Variants in NDNF observed in about 807,000 individuals in gnomAD.
NDNF encodes the protein protein NDNF.
A neutral mutation model predicts 42.0 loss-of-function variants in NDNF; 16 were observed. That is an observed-to-expected ratio of 0.38 (90% CI 0.26 to 0.58). The LOEUF (loss-of-function observed/expected upper bound fraction) is 0.58. Among genes scored for constraint, NDNF ranks in the 20% least tolerant of loss-of-function variants. The pLI, the probability that NDNF is intolerant of heterozygous loss-of-function variation, is 0.67. For missense variants in NDNF, 616 were observed against 666.2 expected (o/e 0.92, Z 0.83); for synonymous variants, 248 against 251.7 (o/e 0.99, Z 0.14).
chr4:121,055,385 G>A (rs545831124), intron 1 of NDNF, among the ~76,000 whole-genome samples: 89 of 152,272 alleles, frequency 5.8e-4, no homozygotes, highest in African/African-American at 1.9e-3. Context: ...GAATGTGCTG[G>A]TAAGTTGGAG....
intron 3 of NDNF, among the ~76,000 whole-genome samples, chr4:121,039,303 G>A (rs1016844495): frequency 6.8e-6 from 1 of 146,440 alleles, no homozygotes; most frequent in Non-Finnish European, 1.5e-5. Flanking sequence ...TTTAACCTAT[G>A]ATGCCCTTAA....
chr4:121,070,240 T>C (rs1727567001), intron 1 of NDNF, among the ~76,000 whole-genome samples: 2 of 152,176 alleles, frequency 1.3e-5, no homozygotes, highest in South Asian at 4.1e-4. Context: ...TGAATAATCA[T>C]ACCGATCGCC....
At chr4:121,070,973 G>T (rs1031500093) in intron 1 of NDNF, among the ~76,000 whole-genome samples, 1 of 152,190 alleles carries the variant, frequency 6.6e-6, no homozygotes, top group Non-Finnish European at 1.5e-5. Context: ...ACTGCCGGGA[G>T]CTCTCACGCC....
chr4:121,064,807 GCT>G (rs1164681010), intron 1 of NDNF, among the ~76,000 whole-genome samples: 1 of 152,128 alleles, frequency 6.6e-6, no homozygotes, highest in East Asian at 1.9e-4. Flanking sequence ...ATACTTAAAA[GCT>G]CTCTACACTG....
Position 121,035,970 on chromosome 4 carries a change from T to A in NDNF, c.*294A>T, listed in dbSNP as rs1198329512. The A allele has an allele frequency of 7.2e-6, 2 of 279,230 alleles. No individual in the cohort carries two copies. Among genetic ancestry groups the A allele is most frequent in the Admixed American group, 4.6e-5 (1 of 21,564 alleles). 17.3% of individuals were successfully genotyped at this position (279,230 alleles called of 1,614,324 possible). A position where few individuals can be genotyped will look rare whatever the true frequency, so the allele number is the denominator to read the frequency against. On this transcript the variant is annotated 3_prime_UTR_variant, in exon 4 of 4. Transcript: ENST00000379692. The stretch of plus-strand genomic sequence containing the variant: ...TTAAATTTTTAGGTAATAAAATAAT[T>A]TAGAAGCAGTTCATGCAGTGGTCAA...
At chr4:121,039,222 A>ATAAAGACTATG (rs1560603345) in intron 3 of NDNF, among the ~76,000 whole-genome samples, 4 of 101,850 alleles carry the variant, frequency 3.9e-5, no homozygotes, top group Admixed American at 1.1e-4. Context: ...ATATATATAT[A>ATAAAGACTATG]TATATATATA....
chr4:121,039,170 TAAAG>T (rs1362955659), intron 3 of NDNF, among the ~76,000 whole-genome samples: 1,175 of 42,384 alleles, frequency 0.028, 90 homozygotes, highest in East Asian at 0.071. Context: ...TATATATATA[TAAAG>T]ACTATGTGTG....
rs969836349 is a variant in NDNF, at chr4:121,040,667, C to T, written c.189-613G>A. Among the ~76,000 whole-genome samples the T allele has an allele frequency of 2.0e-5, 3 of 152,240 alleles. No homozygotes were observed. In the South Asian group the frequency reaches 6.2e-4, roughly 32 times the overall value. On this transcript the variant is annotated intron_variant, in intron 2 of 3. Coordinates refer to ENST00000379692, the MANE Select transcript of NDNF (RefSeq NM_024574.4). The stretch of plus-strand genomic sequence containing the variant: ...ATCTTTTTATTTGTTTGTTTTGAGA[C>T]AGTCTTGTGCTGTCTCCCAGGCAGG...
Position 121,060,714 on chromosome 4 carries a change from T to TA in NDNF, c.-2+11278dup, listed in dbSNP as rs894548052. The stretch of plus-strand genomic sequence containing the variant: ...CTACAGAATAATAAATTGAATAGAG[T>TA]AAAAAAAGTGATGCTTCATTCTGTG... On this transcript the variant is annotated intron_variant, in intron 1 of 3. Coordinates refer to ENST00000379692, the MANE Select transcript of NDNF (RefSeq NM_024574.4). Among the ~76,000 whole-genome samples the TA allele has an allele frequency of 4.0e-5, 6 of 151,646 alleles. No individual in the cohort carries two copies. In the South Asian group the frequency reaches 6.2e-4, roughly 16 times the overall value.
intron 1 of NDNF, among the ~76,000 whole-genome samples, chr4:121,052,339 G>A (rs1319699978): frequency 6.6e-6 from 1 of 152,084 alleles, no homozygotes; most frequent in Admixed American, 6.6e-5. Context: ...TGACAAAAAA[G>A]GATGGGCATT....
intron 3 of NDNF, chr4:121,039,055 C>T (rs1441634103): frequency 1.4e-5 from 2 of 147,568 alleles, no homozygotes; most frequent in African/African-American, 5.0e-5. Context: ...ATACACACTT[C>T]CATAATTTTC....
At chr4:121,038,686 T>C (rs982416625) in intron 3 of NDNF, among the ~76,000 whole-genome samples, 3 of 152,034 alleles carry the variant, frequency 2.0e-5, no homozygotes, top group Admixed American at 6.6e-5. Context: ...ATCAAACAGA[T>C]ATATTAACAT....
At chr4:121,059,804 G>A (rs1202359643) in intron 1 of NDNF, among the ~76,000 whole-genome samples, 1 of 152,184 alleles carries the variant, frequency 6.6e-6, no homozygotes, top group Non-Finnish European at 1.5e-5. Context: ...CAGGTCAGGG[G>A]TAAGTCCTGA....
At chr4:121,045,505 C>T in intron 2 of NDNF, 145 bp downstream of exon 2, 1 of 633,560 alleles carries the variant, frequency 1.6e-6, no homozygotes, top group Non-Finnish European at 2.7e-6. Flanking sequence ...GTTGCACTGC[C>T]ATGTTCCCCC....
In NDNF at chr4:121,045,637, G is replaced by A; in HGVS notation, c.188+13C>T. 1 of 1,606,056 alleles carries A rather than the reference G, an allele frequency of 6.2e-7. No individual in the cohort carries two copies. Among genetic ancestry groups the A allele is most frequent in the South Asian group, 1.1e-5 (1 of 90,752 alleles). On this transcript the variant is annotated intron_variant, in intron 2 of 3. Transcript: ENST00000379692. ...TGAGCTTTTTAATAAAGAAAATACT[G>A]CAGGGAGAATACCTCTTAGGTGTAT... is the stretch of plus-strand genomic sequence containing the variant.
chr4:121,046,651 T>C (rs1056402106), intron 1 of NDNF, among the ~76,000 whole-genome samples: 1 of 152,130 alleles, frequency 6.6e-6, no homozygotes, highest in African/African-American at 2.4e-5. Context: ...GCCAGAAAGG[T>C]GTATATTTAG....
intron 1 of NDNF, among the ~76,000 whole-genome samples, chr4:121,055,411 A>G (rs562809986): frequency 2.0e-5 from 3 of 152,288 alleles, no homozygotes; most frequent in Admixed American, 2.0e-4. Context: ...AAGTGAGGAA[A>G]AAAGAGGAAT....
At chr4:121,062,301 A>G (rs1203617824) in intron 1 of NDNF, among the ~76,000 whole-genome samples, 2 of 152,236 alleles carry the variant, frequency 1.3e-5, no homozygotes, top group African/African-American at 2.4e-5. Flanking sequence ...GGACATCAAC[A>G]TTGTTTAATA....
At position 121,037,462 on chromosome 4, in the gene NDNF, T is replaced by G. The variant is rs977775902; in HGVS notation, c.509A>C (p.Asp170Ala). ...ATAGGGTAACTCAGGGTATGGCTGA[T>G]CAGATTCTGGAGTTGTGGTGGCATA... ...KVYATTTPES[D>A]QPYPELPYDP... Residue 170 changes from aspartate to alanine, a missense_variant, in exon 4 of 4, where the codon GAT (aspartate) becomes GCT (alanine). Coordinates refer to ENST00000379692, the MANE Select transcript of NDNF (RefSeq NM_024574.4). 6.2e-7 allele frequency: 1 copy of G among 1,614,156 alleles called. No homozygotes were observed.
Sources: gnomAD v4.1 joint callset for allele counts (sites outside exome capture counted in the v4.1 genomes callset) on GRCh38, gnomAD v4.1.1 for gene constraint, MANE v1.5 for transcripts, NCBI Gene and HGNC (gene_info 2026-07-23, HGNC 2026-07-21) for gene names.